BTBD10: variants seen among roughly 807,000 people sequenced by gnomAD.
BTBD10 encodes the protein BTB/POZ domain-containing protein 10.
A neutral mutation model predicts 53.2 loss-of-function variants in BTBD10; 21 were observed. That is an observed-to-expected ratio of 0.39 (90% CI 0.28 to 0.57). The LOEUF (loss-of-function observed/expected upper bound fraction) is 0.57. Among genes scored for constraint, BTBD10 ranks in the 20% least tolerant of loss-of-function variants. The pLI, the probability that BTBD10 is intolerant of heterozygous loss-of-function variation, is 0.53. For missense variants in BTBD10, 360 were observed against 594.7 expected (o/e 0.61, Z 4.10); for synonymous variants, 149 against 192.7 (o/e 0.77, Z 1.88).
intron 2 of BTBD10, among the ~76,000 whole-genome samples, chr11:13,431,231 G>C (rs1442012182): frequency 3.3e-5 from 5 of 151,888 alleles, no homozygotes; most frequent in Non-Finnish European, 7.4e-5. Flanking sequence ...TCCTCTTGTT[G>C]TAATATGGTC....
chr11:13,419,785 T>C (rs759278325), intron 3 of BTBD10, 40 bp from the exon 4 acceptor site: 8 of 1,452,720 alleles, frequency 5.5e-6, no homozygotes, highest in Non-Finnish European at 7.5e-6. Context: ...CAAATTTTCT[T>C]TTACAAATTC....
chr11:13,391,619 T>C (rs1949406581), intron 8 of BTBD10, among the ~76,000 whole-genome samples: 1 of 152,244 alleles, frequency 6.6e-6, no homozygotes, highest in Non-Finnish European at 1.5e-5. Context: ...ACTACCAGGA[T>C]ATGCCAGTTA....
chr11:13,436,842 C>T (rs1475249284), intron 2 of BTBD10, among the ~76,000 whole-genome samples: 1 of 152,124 alleles, frequency 6.6e-6, no homozygotes, highest in East Asian at 1.9e-4. Flanking sequence ...AGTGCAGTGG[C>T]GTGATCTCTG....
chr11:13,398,906 A>G (rs1338223964), intron 8 of BTBD10, among the ~76,000 whole-genome samples: 1 of 152,228 alleles, frequency 6.6e-6, no homozygotes, highest in East Asian at 1.9e-4. Flanking sequence ...TTCTGCTGAG[A>G]GATCAGCTGT....
At chr11:13,430,338 T>C (rs1277743813) in intron 2 of BTBD10, among the ~76,000 whole-genome samples, 1 of 152,176 alleles carries the variant, frequency 6.6e-6, no homozygotes, top group Non-Finnish European at 1.5e-5. Flanking sequence ...CATTACACAT[T>C]AGAGTGGCTA....
At chr11:13,403,054 C>A in intron 8 of BTBD10, 114 bp downstream of exon 8, 1 of 671,246 alleles carries the variant, frequency 1.5e-6, no homozygotes, top group Non-Finnish European at 2.5e-6. Flanking sequence ...ATGTGGTAAT[C>A]ATTTGTCAGA....
intron 8 of BTBD10, among the ~76,000 whole-genome samples, chr11:13,400,675 G>A (rs575557838): frequency 8.9e-5 from 10 of 112,196 alleles, no homozygotes; most frequent in South Asian, 3.5e-4. Flanking sequence ...GTTCCTATTC[G>A]GCCATCTTGG....
chr11:13,432,697 A>G (rs1388448112), intron 2 of BTBD10, among the ~76,000 whole-genome samples: 1 of 152,134 alleles, frequency 6.6e-6, no homozygotes, highest in Non-Finnish European at 1.5e-5. Context: ...AAAAAATTAA[A>G]GAATAAGAAA....
intron 8 of BTBD10, among the ~76,000 whole-genome samples, chr11:13,396,526 C>T (rs1045329309): frequency 6.6e-6 from 1 of 152,140 alleles, no homozygotes; most frequent in Non-Finnish European, 1.5e-5. Flanking sequence ...ACTGAATACC[C>T]TTTATTTCCT....
At chr11:13,447,833 A>G (rs1253987876) in intron 1 of BTBD10, among the ~76,000 whole-genome samples, 2 of 152,144 alleles carry the variant, frequency 1.3e-5, no homozygotes, top group Admixed American at 1.3e-4. Flanking sequence ...AAGCACACTA[A>G]AAAATAAGCG....
intron 2 of BTBD10, chr11:13,440,284 T>C: frequency 1.7e-6 from 2 of 1,181,302 alleles, no homozygotes; most frequent in Non-Finnish European, 2.1e-6. Flanking sequence ...TCGTGTGAGC[T>C]GTGATCGTCC....
intron 1 of BTBD10, among the ~76,000 whole-genome samples, chr11:13,461,108 C>T (rs1460600593): frequency 6.6e-6 from 1 of 152,166 alleles, no homozygotes; most frequent in Non-Finnish European, 1.5e-5. Context: ...TTTCCCAAGA[C>T]CCCTTAAGTT....
intron 2 of BTBD10, chr11:13,439,755 C>A: frequency 1.5e-6 from 1 of 689,628 alleles, no homozygotes; most frequent in Non-Finnish European, 2.2e-6. Context: ...GACATATGAT[C>A]TTTATCTTTA....
At chr11:13,438,432 A>G (rs1389132625) in intron 2 of BTBD10, among the ~76,000 whole-genome samples, 2 of 152,088 alleles carry the variant, frequency 1.3e-5, no homozygotes, top group Non-Finnish European at 2.9e-5. Context: ...AATCATGCTG[A>G]TCTTTTCTCT....
chr11:13,441,233 CA>C (rs746334609), intron 2 of BTBD10, among the ~76,000 whole-genome samples: 2 of 151,928 alleles, frequency 1.3e-5, no homozygotes, highest in Non-Finnish European at 2.9e-5. Flanking sequence ...TAACTGTAAA[CA>C]AATTTTTAAA....
intron 8 of BTBD10, among the ~76,000 whole-genome samples, chr11:13,395,369 T>C (rs889711335): frequency 1.2e-3 from 185 of 152,324 alleles, no homozygotes; most frequent in African/African-American, 4.2e-3. Flanking sequence ...TCATATCCTT[T>C]GCCCACTTTT....
At chr11:13,446,394 AT>A (rs1950749928) in intron 1 of BTBD10, among the ~76,000 whole-genome samples, 1 of 152,220 alleles carries the variant, frequency 6.6e-6, no homozygotes, top group Admixed American at 6.5e-5. Flanking sequence ...TTGTGTTCAT[AT>A]CAAAAATCAG....
intron 5 of BTBD10, among the ~76,000 whole-genome samples, chr11:13,414,860 A>AG: frequency 7.1e-6 from 1 of 141,342 alleles, no homozygotes; most frequent in South Asian, 2.2e-4. Context: ...AAAAAAAAAA[A>AG]AAAAAGAAAA....
At chr11:13,444,292 T>C (rs1565267382) in intron 2 of BTBD10, among the ~76,000 whole-genome samples, 2 of 151,286 alleles carry the variant, frequency 1.3e-5, no homozygotes, top group Non-Finnish European at 2.9e-5. Context: ...TTCAAGTAAG[T>C]TAAATGCTCA....
Sources: gnomAD v4.1 joint callset for allele counts (sites outside exome capture counted in the v4.1 genomes callset) on GRCh38, gnomAD v4.1.1 for gene constraint, MANE v1.5 for transcripts, NCBI Gene and HGNC (gene_info 2026-07-23, HGNC 2026-07-21) for gene names.